UROC1: variants seen among roughly 807,000 people sequenced by gnomAD.
The protein encoded by UROC1 is urocanate hydratase 1, also known as urocanate hydratase.
Under a neutral mutation model 89.5 loss-of-function variants are expected in UROC1, and 79 were observed. The ratio of observed to expected loss-of-function variants is 0.88; its 90% CI spans 0.74 to 1.06. The LOEUF (loss-of-function observed/expected upper bound fraction) is 1.06. UROC1 is among the 50% of genes least tolerant of loss of function. The pLI, the probability that UROC1 is intolerant of heterozygous loss-of-function variation, is 0.00. For missense variants in UROC1, 885 were observed against 907.8 expected (o/e 0.97, Z 0.32); for synonymous variants, 361 against 354.8 (o/e 1.02, Z -0.20).
chr3:126,500,312 C>A (rs1217001020), intron 11 of UROC1, among the ~76,000 whole-genome samples, 158 bp from the exon 12 acceptor site: 1 of 152,222 alleles, frequency 6.6e-6, no homozygotes, highest in African/African-American at 2.4e-5. Context: ...TGGAATGCCC[C>A]TGCCCCTGTC....
chr3:126,510,841 C>T (rs770730545), intron 1 of UROC1, 47 bp from the exon 2 acceptor site: 21 of 1,601,644 alleles, frequency 1.3e-5, no homozygotes, highest in East Asian at 4.5e-5. Context: ...ACTCCAGGCC[C>T]GGTGTTCTGA....
chr3:126,501,978 A>T (rs932789880), intron 9 of UROC1: 1 of 1,557,346 alleles, frequency 6.4e-7, no homozygotes, highest in African/African-American at 1.4e-5. Context: ...AGCTCACTCC[A>T]TTCCCATGGG....
At chr3:126,486,631 A>G (rs1035652332) in intron 18 of UROC1, among the ~76,000 whole-genome samples, 2 of 152,246 alleles carry the variant, frequency 1.3e-5, no homozygotes, top group Non-Finnish European at 2.9e-5. Context: ...TGGAGCCAAC[A>G]GACAAGTGGA....
At chr3:126,516,738 G>C (rs1277462810) in intron 1 of UROC1, among the ~76,000 whole-genome samples, 1 of 88,354 alleles carries the variant, frequency 1.1e-5, no homozygotes, top group African/African-American at 4.7e-5. Context: ...CCCAGCGCCA[G>C]CTCTGCCCTG....
intron 14 of UROC1, among the ~76,000 whole-genome samples, 179 bp from the exon 15 acceptor site, chr3:126,496,287 G>A (rs6797423): frequency 0.61 from 91,471 of 150,278 alleles, 30,397 homozygotes; most frequent in East Asian, 0.77. Context: ...AGCAGTGCCA[G>A]TGGCCCCATG....
At chr3:126,502,045 C>G in intron 9 of UROC1, 3 of 1,338,390 alleles carry the variant, frequency 2.2e-6, no homozygotes, top group Non-Finnish European at 3.0e-6. Flanking sequence ...GAGACAGTTC[C>G]TTAAACTGAT....
intron 1 of UROC1, among the ~76,000 whole-genome samples, chr3:126,512,090 T>C (rs1164675193): frequency 6.6e-6 from 1 of 152,248 alleles, no homozygotes; most frequent in African/African-American, 2.4e-5. Flanking sequence ...TCACTCTCAC[T>C]GGCCTGGACT....
chr3:126,499,247 C>T, intron 13 of UROC1, 90 bp downstream of exon 13: 10 of 1,434,742 alleles, frequency 7.0e-6, no homozygotes, highest in Non-Finnish European at 9.7e-6. Context: ...GAGGCTGAAG[C>T]TTCTCCAACC....
intron 9 of UROC1, among the ~76,000 whole-genome samples, chr3:126,503,741 A>G (rs1372601757): frequency 6.6e-6 from 1 of 152,262 alleles, no homozygotes; most frequent in African/African-American, 2.4e-5. Context: ...CAGTGGCTGC[A>G]GCCGGCAATG....
chr3:126,505,418 A>G (rs909817284), intron 8 of UROC1, among the ~76,000 whole-genome samples: 2 of 152,152 alleles, frequency 1.3e-5, no homozygotes, highest in Admixed American at 6.5e-5. Flanking sequence ...AGCTATACCC[A>G]TAAATAGACG....
At chr3:126,482,720 G>T (rs1267545005) in intron 19 of UROC1, among the ~76,000 whole-genome samples, 1 of 152,030 alleles carries the variant, frequency 6.6e-6, no homozygotes, top group Non-Finnish European at 1.5e-5. Flanking sequence ...CCAGCTCCAA[G>T]AATGGCCTTG....
chr3:126,514,335 T>C (rs1019453338), intron 1 of UROC1, among the ~76,000 whole-genome samples: 2 of 152,134 alleles, frequency 1.3e-5, no homozygotes, highest in African/African-American at 4.8e-5. Flanking sequence ...TGGGGTCGAT[T>C]TGGGGAAAAG....
At chr3:126,513,454 G>A (rs768679555) in intron 1 of UROC1, among the ~76,000 whole-genome samples, 12 of 151,846 alleles carry the variant, frequency 7.9e-5, no homozygotes, top group African/African-American at 2.4e-4. Context: ...TCCTGGGTGC[G>A]GACAGCGCTC....
At position 126,492,929 on chromosome 3, in the gene UROC1, A is replaced by G. The variant is rs542942722; in HGVS notation, c.1510-413T>C. Among the ~76,000 whole-genome samples the G allele has an allele frequency of 9.8e-5, 15 of 152,306 alleles. No individual in the cohort carries two copies. In the South Asian group the frequency reaches 3.1e-3, roughly 32 times the overall value. ...TTTGCGTTGGGCCTGCCCCACTCTCAGTGTGCCATACAGCCTCTTGTCTGT... is the reference window on the plus strand; with the variant it reads ...TTTGCGTTGGGCCTGCCCCACTCTCGGTGTGCCATACAGCCTCTTGTCTGT... On this transcript the variant is annotated intron_variant, in intron 15 of 19. Coordinates refer to ENST00000290868, the MANE Select transcript of UROC1 (RefSeq NM_144639.3).
At position 126,508,413 on chromosome 3, in the gene UROC1, T is replaced by C. The variant is rs746591789; in HGVS notation, c.411+3A>G. Reference sequence around the variant, plus strand: ...GGGGACGAGGCCACACGGTGTGCAGTACCTGAGCCCAGTTGCTGAACACCT... The same window carrying C: ...GGGGACGAGGCCACACGGTGTGCAGCACCTGAGCCCAGTTGCTGAACACCT... On this transcript the variant is annotated splice_donor_region_variant and intron_variant, in intron 4 of 19. Transcript: ENST00000290868. 4 of 1,613,694 alleles carry C rather than the reference T, an allele frequency of 2.5e-6. No individual in the cohort carries two copies. In the South Asian group the frequency reaches 4.4e-5, roughly 18 times the overall value.
Position 126,503,891 on chromosome 3 carries a change from G to A in UROC1, c.902+104C>T, listed in dbSNP as rs923064946. The A allele has an allele frequency of 2.4e-6, 3 of 1,225,902 alleles. No individual in the cohort carries two copies. In the African/African-American group the frequency reaches 4.4e-5, roughly 18 times the overall value. 75.9% of individuals were successfully genotyped at this position (1,225,902 alleles called of 1,614,324 possible). On this transcript the variant is annotated intron_variant, in intron 9 of 19. Transcript: ENST00000290868. The stretch of plus-strand genomic sequence containing the variant: ...GTGCCCACATGTAGCCAGCTGTCAG[G>A]CATTAAACAGGCCCACACCAAGCTG...
In UROC1 at chr3:126,501,249, G is replaced by T. The variant is rs770324286; in HGVS notation, c.934C>A (p.Leu312Ile). 6.2e-7 allele frequency: 1 copy of T among 1,614,016 alleles called. No homozygotes were observed. Among genetic ancestry groups the T allele is most frequent in the African/African-American group, 1.3e-5 (1 of 74,926 alleles). ...GCCACCACGTTGCCATGGTAACCAA[G>T]GCTGAGCACCTCCTTTTTTTTCCTT... ...EARKKKEVLS[L>I]GYHGNVVALW... The change falls in exon 10 of 20, where the codon CTT (leucine) becomes ATT (isoleucine). Residue 312 changes from leucine to isoleucine, a missense_variant. Coordinates refer to ENST00000290868, the MANE Select transcript of UROC1 (RefSeq NM_144639.3).
rs1486201114 is a variant in UROC1, at chr3:126,507,954, G to A, written c.540+13C>T. 1.9e-6 allele frequency: 3 copies of A among 1,613,654 alleles called. No homozygotes were observed. Among genetic ancestry groups the A allele is most frequent in the Non-Finnish European group, 2.5e-6 (3 of 1,180,018 alleles). On this transcript the variant is annotated intron_variant, in intron 5 of 19. Transcript: ENST00000290868. The stretch of plus-strand genomic sequence containing the variant: ...GCCCTGGGCAGGTGCTGTGCCACCT[G>A]CTGGGGACCCACCATCCCATTGGTG...
chr3:126,506,148 T>C, intron 6 of UROC1, 137 bp from the exon 7 acceptor site: 1 of 949,214 alleles, frequency 1.1e-6, no homozygotes, highest in Non-Finnish European at 1.6e-6. Context: ...TCACATAAAA[T>C]AGAGAGAGCA....
Sources: allele counts gnomAD v4.1 joint callset (sites outside exome capture counted in the v4.1 genomes callset), GRCh38; gene constraint gnomAD v4.1.1; transcripts MANE v1.5; gene names NCBI Gene and HGNC (gene_info 2026-07-23, HGNC 2026-07-21).